The following PTPRD variants were observed in gnomAD, a reference collection of about 807,000 sequenced individuals.
PTPRD encodes the protein receptor-type tyrosine-protein phosphatase delta.
Under a neutral mutation model 214.5 loss-of-function variants are expected in PTPRD, and 34 were observed. That is an observed-to-expected ratio of 0.16 (90% CI 0.12 to 0.21). The LOEUF (loss-of-function observed/expected upper bound fraction) is 0.21. Among genes scored for constraint, PTPRD ranks in the 10% least tolerant of loss-of-function variants. The pLI is 1.00. For synonymous variants in PTPRD, 1,128 were observed against 845.7 expected (o/e 1.33, Z -5.79); for missense variants, 2,545 against 2,398.7 (o/e 1.06, Z -1.27).
intron 33 of PTPRD, among the ~76,000 whole-genome samples, chr9:8,455,660 A>G (rs1443648238): frequency 6.6e-6 from 1 of 152,226 alleles, no homozygotes; most frequent in East Asian, 1.9e-4. Flanking sequence ...TACAAAGTAA[A>G]TGATGAAAAT....
At chr9:9,058,334 A>G (rs1258374354) in intron 10 of PTPRD, among the ~76,000 whole-genome samples, 11 of 148,952 alleles carry the variant, frequency 7.4e-5, no homozygotes, top group Non-Finnish European at 1.2e-4. Context: ...TTTGCTTCTG[A>G]TTTGTGTGAA....
At chr9:8,879,722 G>A (rs369587980) in intron 11 of PTPRD, among the ~76,000 whole-genome samples, 1 of 152,102 alleles carries the variant, frequency 6.6e-6, no homozygotes, top group East Asian at 1.9e-4. Context: ...TTTCCATTTG[G>A]CATAACAATC....
At chr9:10,290,740 C>A (rs781488427) in intron 3 of PTPRD, among the ~76,000 whole-genome samples, 3 of 152,006 alleles carry the variant, frequency 2.0e-5, no homozygotes, top group Admixed American at 6.6e-5. Context: ...ACAACAGAAG[C>A]ATTCTCCAGA....
In PTPRD at chr9:8,486,211, G is replaced by C. The variant is rs994861872; in HGVS notation, c.2606C>G (p.Thr869Ser). 6.2e-7 allele frequency: 1 copy of C among 1,614,218 alleles called. No homozygotes were observed. The highest frequency in any genetic ancestry group is 1.3e-5 in the African/African-American group (1 of 75,062). Residue 869 changes from threonine (T) to serine (S), a missense_variant, in exon 28 of 46, where the codon ACT becomes AGT. Coordinates refer to ENST00000381196, the MANE Select transcript of PTPRD (RefSeq NM_002839.4). ...TTCTTTTTCAGAGAACTCAAGAGTA[G>C]TAAGTGGCTCCATATCCTTGCGGCC... ...KFGRKDMEPLTTLEFSEKEDH... is the reference protein window; with the variant it reads ...KFGRKDMEPLSTLEFSEKEDH...
intron 43 of PTPRD, among the ~76,000 whole-genome samples, chr9:8,335,474 G>A (rs1428091895): frequency 6.6e-6 from 1 of 152,068 alleles, no homozygotes; most frequent in Non-Finnish European, 1.5e-5. Flanking sequence ...AATAAACTAG[G>A]TACTGATGGA....
intron 7 of PTPRD, among the ~76,000 whole-genome samples, chr9:9,607,332 C>T (rs2094227237): frequency 6.6e-6 from 1 of 152,084 alleles, no homozygotes; most frequent in East Asian, 1.9e-4. Flanking sequence ...AGAGAAAAAT[C>T]ATAACAGTTT....
At chr9:10,215,542 A>G (rs896753305) in intron 3 of PTPRD, among the ~76,000 whole-genome samples, 4 of 152,104 alleles carry the variant, frequency 2.6e-5, no homozygotes, top group African/African-American at 9.7e-5. Context: ...TGATCCTCCA[A>G]CATACCAGTG....
intron 3 of PTPRD, among the ~76,000 whole-genome samples, chr9:10,077,180 C>A (rs7023147): frequency 0.33 from 49,709 of 151,998 alleles, 8,961 homozygotes; most frequent in African/African-American, 0.48. Flanking sequence ...AATTATCAAC[C>A]TAGCAATACC....
chr9:8,557,774 C>CAA (rs2084520408), intron 14 of PTPRD, among the ~76,000 whole-genome samples: 3 of 99,912 alleles, frequency 3.0e-5, no homozygotes, highest in Non-Finnish European at 6.1e-5. Context: ...AAAAGAAAAA[C>CAA]AAAATACACA....
intron 9 of PTPRD, among the ~76,000 whole-genome samples, chr9:9,363,744 C>G (rs575184303): frequency 4.0e-5 from 6 of 151,406 alleles, no homozygotes; most frequent in African/African-American, 1.4e-4. Flanking sequence ...CTTTGTGAGC[C>G]TGTAGAATCT....
At chr9:8,757,389 A>C (rs550070621) in intron 11 of PTPRD, among the ~76,000 whole-genome samples, 3 of 152,092 alleles carry the variant, frequency 2.0e-5, no homozygotes, top group Non-Finnish European at 4.4e-5. Context: ...TCAGCATAAG[A>C]TTTAGATGTT....
intron 6 of PTPRD, among the ~76,000 whole-genome samples, chr9:9,758,746 C>A (rs2098616477): frequency 6.6e-6 from 1 of 151,086 alleles, no homozygotes; most frequent in South Asian, 2.1e-4. Context: ...CACCCACCCC[C>A]AACCCCCATC....
intron 5 of PTPRD, among the ~76,000 whole-genome samples, chr9:9,856,268 C>A (rs1401122354): frequency 6.6e-6 from 1 of 152,074 alleles, no homozygotes; most frequent in African/African-American, 2.4e-5. Context: ...TCTTTATAGG[C>A]ACAGGATGGT....
At chr9:8,839,274 G>A (rs1008082615) in intron 11 of PTPRD, among the ~76,000 whole-genome samples, 2 of 151,862 alleles carry the variant, frequency 1.3e-5, no homozygotes, top group South Asian at 2.1e-4. Flanking sequence ...AAACCTAGAT[G>A]ATAATTTTCA....
chr9:10,394,961 T>C (rs11795032), intron 2 of PTPRD, among the ~76,000 whole-genome samples: 77,732 of 144,958 alleles, frequency 0.54, 23,492 homozygotes, highest in Non-Finnish European at 0.71. Context: ...CTTTTTCTTT[T>C]TTTTTTTTTT....
At chr9:10,051,908 C>A (rs1003494619) in intron 3 of PTPRD, among the ~76,000 whole-genome samples, 2 of 152,060 alleles carry the variant, frequency 1.3e-5, no homozygotes, top group Admixed American at 1.3e-4. Flanking sequence ...ACCACAGCAA[C>A]CACATGTTTT....
At chr9:9,136,184 T>C (rs2099850528) in intron 10 of PTPRD, among the ~76,000 whole-genome samples, 1 of 152,162 alleles carries the variant, frequency 6.6e-6, no homozygotes, top group Admixed American at 6.5e-5. Flanking sequence ...AAGGAGTTTA[T>C]GTTCACATTA....
chr9:8,930,911 C>T (rs1229727280), intron 11 of PTPRD, among the ~76,000 whole-genome samples: 5 of 151,980 alleles, frequency 3.3e-5, no homozygotes, highest in East Asian at 1.9e-4. Flanking sequence ...TTCTGTAGGT[C>T]GCCTGTCCAC....
intron 3 of PTPRD, among the ~76,000 whole-genome samples, chr9:10,185,842 T>C (rs1240353147): frequency 6.6e-6 from 1 of 152,136 alleles, no homozygotes; most frequent in Non-Finnish European, 1.5e-5. Flanking sequence ...CATAATATGA[T>C]GCAGGAGTAG....
Sources: gnomAD v4.1 joint callset for allele counts (sites outside exome capture counted in the v4.1 genomes callset) on GRCh38, gnomAD v4.1.1 for gene constraint, MANE v1.5 for transcripts, NCBI Gene and HGNC (gene_info 2026-07-23, HGNC 2026-07-21) for gene names.